Variants in TRAPPC9 observed in about 807,000 individuals in gnomAD.
The protein encoded by TRAPPC9 is trafficking protein particle complex subunit 9.
Under a neutral mutation model 124.0 loss-of-function variants are expected in TRAPPC9, and 83 were observed. That is an observed-to-expected ratio of 0.67 (90% CI 0.56 to 0.80). The LOEUF is 0.80. Ranked by LOEUF, TRAPPC9 falls within the 30% of genes least tolerant of loss-of-function variation. The pLI is 0.00. For missense variants in TRAPPC9, 1,302 were observed against 1,508.3 expected (o/e 0.86, Z 2.27); for synonymous variants, 638 against 617.5 (o/e 1.03, Z -0.49).
chr8:140,137,927 T>C (rs2061329984), intron 17 of TRAPPC9, among the ~76,000 whole-genome samples: 1 of 152,240 alleles, frequency 6.6e-6, no homozygotes, highest in Non-Finnish European at 1.5e-5. Flanking sequence ...CATAAGCATA[T>C]CATGTGTTAT....
At chr8:140,036,405 ACAT>A (rs1448787420) in intron 17 of TRAPPC9, among the ~76,000 whole-genome samples, 4 of 152,090 alleles carry the variant, frequency 2.6e-5, no homozygotes, top group African/African-American at 9.7e-5. Context: ...GCCATTGAAG[ACAT>A]CAGAGCTGAC....
intron 2 of TRAPPC9, among the ~76,000 whole-genome samples, chr8:140,449,384 C>T (rs141338051): frequency 7.9e-5 from 12 of 152,334 alleles, no homozygotes; most frequent in Non-Finnish European, 1.3e-4. Context: ...CAAATGGGGA[C>T]GCCCTCTTGG....
rs541686301 is a variant in TRAPPC9 at position 140,395,044 on chromosome 8, C to T, written c.1134+2576G>A. Among the ~76,000 whole-genome samples, 6 of 152,312 alleles carry T rather than the reference C, an allele frequency of 3.9e-5. No individual in the cohort carries two copies. In the East Asian group the frequency reaches 7.7e-4, roughly 20 times the overall value. On this transcript the variant is annotated intron_variant, in intron 7 of 22. Transcript: ENST00000438773. Reference sequence around the variant, plus strand: ...ACTGGGGAGAACACCTCCCCTTGGGCGCCCAGGTAACTGAAGCTTCCACTT... The same window carrying T: ...ACTGGGGAGAACACCTCCCCTTGGGTGCCCAGGTAACTGAAGCTTCCACTT...
At chr8:139,740,097 G>C (rs781610402) in intron 21 of TRAPPC9, among the ~76,000 whole-genome samples, 8 of 152,214 alleles carry the variant, frequency 5.3e-5, no homozygotes, top group African/African-American at 1.9e-4. Context: ...ACCATGCTCC[G>C]CTCTGGGCCC....
chr8:139,979,424 C>T (rs1301677874), intron 19 of TRAPPC9, among the ~76,000 whole-genome samples: 2 of 152,184 alleles, frequency 1.3e-5, no homozygotes, highest in South Asian at 2.1e-4. Flanking sequence ...AGGGCGGACA[C>T]GAACGGACAC....
At chr8:139,926,935 A>T (rs188593293) in intron 19 of TRAPPC9, among the ~76,000 whole-genome samples, 4 of 152,262 alleles carry the variant, frequency 2.6e-5, no homozygotes, top group Non-Finnish European at 5.9e-5. Flanking sequence ...TTTGTATCCA[A>T]GACTATATAA....
intron 6 of TRAPPC9, among the ~76,000 whole-genome samples, chr8:140,400,440 T>C (rs1464734457): frequency 6.6e-6 from 1 of 152,254 alleles, no homozygotes; most frequent in Non-Finnish European, 1.5e-5. Flanking sequence ...CAAACATTTT[T>C]AGAAACTCTC....
intron 16 of TRAPPC9, among the ~76,000 whole-genome samples, chr8:140,243,894 G>A (rs141498641): frequency 1.8e-3 from 279 of 152,354 alleles, no homozygotes; most frequent in African/African-American, 6.3e-3. Flanking sequence ...GAACTGAGCC[G>A]CACAGCAGGA....
At chr8:140,178,505 T>G (rs1296745230) in intron 17 of TRAPPC9, among the ~76,000 whole-genome samples, 1 of 152,128 alleles carries the variant, frequency 6.6e-6, no homozygotes, top group Non-Finnish European at 1.5e-5. Context: ...TTTTTCTTCT[T>G]TTAATAAATA....
Position 140,086,913 on chromosome 8 carries a change from C to A in TRAPPC9, c.2557-62834G>T, listed in dbSNP as rs143262151. ...CGCCACTGTACTCTAGCCTGGGCAA[C>A]AGAGTGAGACTGTCTCAAAAAAAGA... On this transcript the variant is annotated intron_variant, in intron 17 of 22. Transcript: ENST00000438773. Among the ~76,000 whole-genome samples, 540 of 151,868 alleles carry A rather than the reference C, an allele frequency of 3.6e-3. 4 individuals carry two copies. The highest frequency in any genetic ancestry group is 0.029 in the East Asian group (151 of 5,166).
In TRAPPC9 at chr8:140,063,385, G is replaced by A. The variant is rs1842738374; in HGVS notation, c.2557-39306C>T. On this transcript the variant is annotated intron_variant, in intron 17 of 22. Coordinates refer to ENST00000438773, the MANE Select transcript of TRAPPC9 (RefSeq NM_001160372.4). The surrounding 1 kb of genome is among the most constrained non-coding windows in gnomAD (Gnocchi z 4.3). ...TACCTTTCACGAGCCAGGTAACACG[G>A]TACTCACTTTGAGAAATAATCCTAC... Among the ~76,000 whole-genome samples, 1 of 152,124 alleles carries A rather than the reference G, an allele frequency of 6.6e-6. No homozygotes were observed. The highest frequency in any genetic ancestry group is 2.1e-4 in the South Asian group (1 of 4,826).
At chr8:140,255,297 A>T (rs998672545) in intron 15 of TRAPPC9, among the ~76,000 whole-genome samples, 3 of 152,168 alleles carry the variant, frequency 2.0e-5, no homozygotes, top group Admixed American at 6.5e-5. Context: ...CCTCCCAACA[A>T]CCAGTGAAAT....
At chr8:139,890,706 C>G (rs993368611) in intron 20 of TRAPPC9, among the ~76,000 whole-genome samples, 1 of 152,106 alleles carries the variant, frequency 6.6e-6, no homozygotes, top group East Asian at 1.9e-4. Flanking sequence ...CTAGTTCAGG[C>G]GATTCAGGCC....
intron 18 of TRAPPC9, among the ~76,000 whole-genome samples, chr8:140,021,398 T>C (rs997272307): frequency 6.6e-6 from 1 of 152,266 alleles, no homozygotes; most frequent in Non-Finnish European, 1.5e-5. Flanking sequence ...GCCACTTTTT[T>C]GTTACATATT....
chr8:139,875,192 G>A (rs888459339), intron 21 of TRAPPC9, among the ~76,000 whole-genome samples: 1 of 152,192 alleles, frequency 6.6e-6, no homozygotes, highest in Non-Finnish European at 1.5e-5. Flanking sequence ...AGAGAGACAA[G>A]GCAGCAGGCA....
rs906091963 is a variant in TRAPPC9, at chr8:140,173,580, T to G, written c.2556+47879A>C. 6.6e-5 allele frequency among the ~76,000 whole-genome samples: 10 copies of G among 150,936 alleles called. No homozygotes were observed. In the East Asian group the frequency reaches 1.8e-3, roughly 26 times the overall value. On this transcript the variant is annotated intron_variant, in intron 17 of 22. Coordinates refer to ENST00000438773, the MANE Select transcript of TRAPPC9 (RefSeq NM_001160372.4). ...AAAAAAAAAAAAAAAAAAAATCTTC[T>G]GGTTAGCCCACTCAGTGTCACATGA...
intron 6 of TRAPPC9, among the ~76,000 whole-genome samples, chr8:140,399,958 C>G (rs772584442): frequency 1.3e-5 from 2 of 152,170 alleles, no homozygotes; most frequent in Non-Finnish European, 2.9e-5. Context: ...TTCCCCCATA[C>G]TGTTCTTGTG....
At position 139,919,935 on chromosome 8, in the gene TRAPPC9, A is replaced by C. The variant is rs549473919; in HGVS notation, c.2811-9635T>G. ...CCCGGACCCTTCCGCCTAGTGCTGG[A>C]ACCATTTCAACACTCTTCCAGATTT... On this transcript the variant is annotated intron_variant, in intron 19 of 22. Coordinates refer to ENST00000438773, the MANE Select transcript of TRAPPC9 (RefSeq NM_001160372.4). Among the ~76,000 whole-genome samples the C allele has an allele frequency of 7.7e-4, 117 of 152,350 alleles. No homozygotes were observed. In the South Asian group the frequency reaches 0.011, roughly 15 times the overall value.
intron 21 of TRAPPC9, among the ~76,000 whole-genome samples, chr8:139,861,514 T>C (rs1828155419): frequency 6.6e-6 from 1 of 152,190 alleles, no homozygotes; most frequent in Non-Finnish European, 1.5e-5. Context: ...GAAAGTTGTT[T>C]ACTGAAACTA....
Sources: allele counts gnomAD v4.1 joint callset (sites outside exome capture counted in the v4.1 genomes callset), GRCh38; gene constraint gnomAD v4.1.1; non-coding constraint Gnocchi (gnomAD v3.1); transcripts MANE v1.5; gene names NCBI Gene and HGNC (gene_info 2026-07-23, HGNC 2026-07-21).